PLCE1: variants seen among roughly 807,000 people sequenced by gnomAD.
PLCE1 encodes the protein 1-phosphatidylinositol 4,5-bisphosphate phosphodiesterase epsilon-1.
PLCE1 carries 119 observed loss-of-function variants against 242.8 expected under a neutral mutation model. That is an observed-to-expected ratio of 0.49 (90% CI 0.42 to 0.57). The LOEUF is 0.57. PLCE1 is among the 20% of genes least tolerant of loss of function. The pLI, the probability that PLCE1 is intolerant of heterozygous loss-of-function variation, is 0.00. For synonymous variants in PLCE1, 945 were observed against 1,017.4 expected (o/e 0.93, Z 1.35); for missense variants, 2,441 against 2,788.8 (o/e 0.88, Z 2.81).
At chr10:94,062,590 T>TTTG (rs1554847110) in intron 2 of PLCE1, among the ~76,000 whole-genome samples, 7 of 109,866 alleles carry the variant, frequency 6.4e-5, no homozygotes, top group East Asian at 2.7e-4. Context: ...TTGTTTTTTT[T>TTTG]TTTGTTTTGT....
chr10:94,023,170 A>G (rs2061403058), intron 1 of PLCE1, among the ~76,000 whole-genome samples: 1 of 152,126 alleles, frequency 6.6e-6, no homozygotes, highest in African/African-American at 2.4e-5. Flanking sequence ...AAGCTGAATG[A>G]TGGAGTCAAC....
intron 4 of PLCE1, among the ~76,000 whole-genome samples, chr10:94,226,107 C>A (rs1564805684): frequency 6.6e-6 from 1 of 152,118 alleles, no homozygotes; most frequent in South Asian, 2.1e-4. Context: ...CATCTAAGCA[C>A]CAAAGTAAAG....
chr10:94,102,943 T>A (rs2045592205), intron 2 of PLCE1, among the ~76,000 whole-genome samples: 1 of 152,244 alleles, frequency 6.6e-6, no homozygotes, highest in Non-Finnish European at 1.5e-5. Context: ...TGTTTTGAAA[T>A]TTTTTAAAAA....
At chr10:94,052,206 A>G (rs1303103942) in intron 2 of PLCE1, among the ~76,000 whole-genome samples, 1 of 152,230 alleles carries the variant, frequency 6.6e-6, no homozygotes. Context: ...TCAAAGTTCA[A>G]TTCAGTTGCA....
intron 4 of PLCE1, among the ~76,000 whole-genome samples, chr10:94,222,912 G>T (rs1426678380): frequency 6.6e-6 from 1 of 152,150 alleles, no homozygotes; most frequent in South Asian, 2.1e-4. Flanking sequence ...GTTTACAAGG[G>T]ATAAATTATC....
At chr10:94,091,419 T>A (rs138691096) in intron 2 of PLCE1, among the ~76,000 whole-genome samples, 78 of 152,292 alleles carry the variant, frequency 5.1e-4, no homozygotes, top group Non-Finnish European at 1.1e-3. Context: ...AAGCAACACC[T>A]GCAGAGTTGG....
intron 4 of PLCE1, among the ~76,000 whole-genome samples, chr10:94,198,657 CT>C (rs772173957): frequency 7.2e-5 from 11 of 152,314 alleles, no homozygotes; most frequent in Non-Finnish European, 8.8e-5. Flanking sequence ...TCTGATTTCT[CT>C]TTTTATCCTT....
intron 23 of PLCE1, among the ~76,000 whole-genome samples, chr10:94,293,901 G>A (rs546652866): frequency 6.6e-6 from 1 of 152,266 alleles, no homozygotes; most frequent in South Asian, 2.1e-4. Context: ...GAGGTCAGGA[G>A]TTCGAGACCA....
In PLCE1 at chr10:94,265,968, A is replaced by T; in HGVS notation, c.4281+10A>T. 7 of 1,613,638 alleles carry T rather than the reference A, an allele frequency of 4.3e-6. No individual in the cohort carries two copies. The highest frequency in any genetic ancestry group is 5.9e-6 in the Non-Finnish European group (7 of 1,179,532). On this transcript the variant is annotated intron_variant, in intron 16 of 32. Transcript: ENST00000371380. ...AGAACTCTACAGCCAGGTACAGGGA[A>T]TGCCACTTGGAATGTGGTTTTTATT...
intron 4 of PLCE1, among the ~76,000 whole-genome samples, chr10:94,225,763 C>T (rs966337373): frequency 2.0e-5 from 3 of 152,236 alleles, no homozygotes; most frequent in Non-Finnish European, 2.9e-5. Context: ...CATAGATTCT[C>T]GATCTGGAAA....
At chr10:94,047,317 C>T (rs1355412353) in intron 2 of PLCE1, among the ~76,000 whole-genome samples, 1 of 152,130 alleles carries the variant, frequency 6.6e-6, no homozygotes, top group African/African-American at 2.4e-5. Context: ...TAGTTCCTGC[C>T]AGGGGCCAGA....
chr10:94,113,093 T>G (rs572996638), intron 2 of PLCE1, among the ~76,000 whole-genome samples: 1 of 152,178 alleles, frequency 6.6e-6, no homozygotes, highest in African/African-American at 2.4e-5. Flanking sequence ...GGTGGTTGCT[T>G]AGGGCTAGTG....
intron 24 of PLCE1, among the ~76,000 whole-genome samples, chr10:94,302,770 A>G (rs2053081421): frequency 6.6e-6 from 1 of 152,204 alleles, no homozygotes; most frequent in South Asian, 2.1e-4. Context: ...TGCTTCATAG[A>G]TTATTGGGAG....
chr10:94,312,874 C>T (rs1319585798), intron 27 of PLCE1, among the ~76,000 whole-genome samples: 2 of 152,182 alleles, frequency 1.3e-5, no homozygotes, highest in Non-Finnish European at 1.5e-5. Context: ...GAATGATGTA[C>T]TCTCTAAAGG....
intron 13 of PLCE1, among the ~76,000 whole-genome samples, 172 bp from the exon 14 acceptor site, chr10:94,262,322 T>G (rs2051330872): frequency 6.6e-6 from 1 of 152,170 alleles, no homozygotes; most frequent in Admixed American, 6.6e-5. Flanking sequence ...ATTGATTTGT[T>G]TTTTATTCCT....
intron 3 of PLCE1, 48 bp from the exon 4 acceptor site, chr10:94,171,132 G>T: frequency 6.9e-7 from 1 of 1,442,190 alleles, no homozygotes; most frequent in South Asian, 1.1e-5. Flanking sequence ...ATCTGTTGCA[G>T]GGGACACCAG....
rs1180089094 is a variant in PLCE1, at chr10:94,332,618, A to G, written c.*4675A>G. The G allele has an allele frequency of 6.6e-5, 10 of 152,078 alleles. No homozygotes were observed. Among genetic ancestry groups the G allele is most frequent in the Admixed American group, 6.5e-4 (10 of 15,270 alleles). 9.4% of individuals were successfully genotyped at this position (152,078 alleles called of 1,614,324 possible). A position where few individuals can be genotyped will look rare whatever the true frequency, so the allele number is the denominator to read the frequency against. On this transcript the variant is annotated 3_prime_UTR_variant, in exon 33 of 33. Coordinates refer to ENST00000371380, the MANE Select transcript of PLCE1 (RefSeq NM_016341.4). ...ATATATTTCCTCAAATTCACATAGGATACTCAAATATAGATGTATAATTTT... is the reference window on the plus strand; with the variant it reads ...ATATATTTCCTCAAATTCACATAGGGTACTCAAATATAGATGTATAATTTT...
chr10:94,185,367 G>A (rs147856503), intron 4 of PLCE1, among the ~76,000 whole-genome samples: 26 of 152,296 alleles, frequency 1.7e-4, no homozygotes, highest in Admixed American at 1.0e-3. Context: ...ATGGTAGTGT[G>A]TGCCTGTAAT....
intron 1 of PLCE1, among the ~76,000 whole-genome samples, chr10:94,011,945 A>G (rs1020590879): frequency 1.3e-5 from 2 of 152,128 alleles, no homozygotes; most frequent in African/African-American, 4.8e-5. Context: ...CTAAAACCCC[A>G]GGGCTCTACT....
Sources: allele counts gnomAD v4.1 joint callset (sites outside exome capture counted in the v4.1 genomes callset), GRCh38; gene constraint gnomAD v4.1.1; transcripts MANE v1.5; gene names NCBI Gene and HGNC (gene_info 2026-07-23, HGNC 2026-07-21).